DYSF: variants seen among roughly 807,000 people sequenced by gnomAD.
DYSF encodes dystrophy-associated fer-1-like 1.
Under a neutral mutation model 274.9 loss-of-function variants are expected in DYSF, and 212 were observed. That is an observed-to-expected ratio of 0.77 (90% CI 0.69 to 0.86). The LOEUF (loss-of-function observed/expected upper bound fraction) is 0.86, where lower values mean the gene tolerates loss of function less well. DYSF is among the 40% of genes least tolerant of loss of function. The pLI, the probability that DYSF is intolerant of heterozygous loss-of-function variation, is 0.00. For missense variants in DYSF, 2,666 were observed against 2,783.2 expected, an observed-to-expected ratio of 0.96 and a Z score of 0.95; for synonymous variants, 1,091 against 1,078.7, an observed-to-expected ratio of 1.01 and a Z score of -0.22.
rs1278005040 is a variant in DYSF, at chr2:71,656,298, C to T, written c.4755+8C>T. 4 of 1,613,616 alleles carry T rather than the reference C, an allele frequency of 2.5e-6. No homozygotes were observed. The African/African-American group carries it at 4.0e-5, about 16-fold the overall frequency. On this transcript the variant is annotated splice_region_variant and intron_variant, in intron 43 of 55. Transcript: ENST00000410020. ...GTGATTGGTGAATTTAAGGTAAATC[C>T]TCGAAGACGTCCCTAACCCAGGTGG...
chr2:71,639,792 G>T (rs191831365), intron 41 of DYSF, among the ~76,000 whole-genome samples: 3 of 152,180 alleles, frequency 2.0e-5, no homozygotes, highest in African/African-American at 7.2e-5. Flanking sequence ...CTATGGAAAC[G>T]TGCAGCCAGT....
rs371134255 is a variant in DYSF, at chr2:71,621,736, T to C, written c.4527+1127T>C. On this transcript the variant is annotated intron_variant, in intron 41 of 55. Coordinates refer to ENST00000410020, the MANE Select transcript of DYSF (RefSeq NM_001130987.2). ...GTGCAGTGGCATGATCTTGGCTCAC[T>C]GCAACCTCCATCTGCTGGGCTCAAG... Among the ~76,000 whole-genome samples the C allele has an allele frequency of 6.1e-4, 93 of 152,236 alleles. 1 individual carries two copies. In the East Asian group the frequency reaches 0.016, roughly 26 times the overall value.
At chr2:71,508,948 G>A (rs539541518) in intron 4 of DYSF, among the ~76,000 whole-genome samples, 2 of 152,282 alleles carry the variant, frequency 1.3e-5, no homozygotes, top group South Asian at 4.1e-4. Flanking sequence ...CGCCTCCCGG[G>A]TTCAACCAAT....
At chr2:71,667,614 A>T in intron 48 of DYSF, 99 bp downstream of exon 48, 3 of 1,540,968 alleles carry the variant, frequency 1.9e-6, no homozygotes, top group Non-Finnish European at 2.7e-6. Context: ...GGGTCCCTTG[A>T]GATTTGGTCA....
At position 71,611,358 on chromosome 2, in the gene DYSF, G is replaced by A. The variant is rs765392394; in HGVS notation, c.4059+12G>A. On this transcript the variant is annotated intron_variant, in intron 37 of 55. Transcript: ENST00000410020. ...GTACCGCCATCGAGGTGAGCCGTCC[G>A]GGCCTGGGCGTGGGGGCTGGGAGCA... is the stretch of plus-strand genomic sequence containing the variant. The A allele has an allele frequency of 9.3e-6, 15 of 1,612,628 alleles. No individual in the cohort carries two copies. Among genetic ancestry groups the A allele is most frequent in the Admixed American group, 5.0e-5 (3 of 59,960 alleles).
intron 42 of DYSF, among the ~76,000 whole-genome samples, chr2:71,647,026 G>A (rs993257353): frequency 3.3e-5 from 5 of 152,216 alleles, no homozygotes; most frequent in Middle Eastern, 6.8e-3. Flanking sequence ...TTTATGCATA[G>A]AATAGTAAAG....
At position 71,574,321 on chromosome 2, in the gene DYSF, C is replaced by T; in HGVS notation, c.3352C>T (p.Pro1118Ser). ...RRRRWRRRME[P>S]LEKTGPAAVF... The stretch of plus-strand genomic sequence containing the variant: ...CCGCCGCTGGCGCCGTCGCATGGAG[C>T]CACTGGAGAAGACGGGGCCTGCAGC... Residue 1118 changes from proline to serine, a missense_variant, in exon 30 of 56, where the codon CCA becomes TCA. Physicochemically the swap from Pro to Ser is moderately conservative, Grantham distance 74. Coordinates refer to ENST00000410020, the MANE Select transcript of DYSF (RefSeq NM_001130987.2). The T allele has an allele frequency of 6.2e-7, 1 of 1,614,148 alleles. No individual in the cohort carries two copies. Among genetic ancestry groups the T allele is most frequent in the South Asian group, 1.1e-5 (1 of 91,080 alleles).
At chr2:71,654,998 G>C (rs1353265613) in intron 42 of DYSF, among the ~76,000 whole-genome samples, 2 of 152,102 alleles carry the variant, frequency 1.3e-5, no homozygotes, top group Non-Finnish European at 2.9e-5. Flanking sequence ...GGCTAAGGTG[G>C]GGGGATCATT....
In DYSF at chr2:71,553,803, C is replaced by G. The variant is rs374489513; in HGVS notation, c.1985-4C>G. On this transcript the variant is annotated splice_polypyrimidine_tract_variant and splice_region_variant and intron_variant, in intron 20 of 55. Coordinates refer to ENST00000410020, the MANE Select transcript of DYSF (RefSeq NM_001130987.2). ...CAGCGCTCAGGCCCGTCTCTCCATT[C>G]CAGGGTGCCACTACTACTACCTACC... The G allele has an allele frequency of 7.0e-5, 95 of 1,351,148 alleles. No homozygotes were observed. Among genetic ancestry groups the G allele is most frequent in the Non-Finnish European group, 9.8e-6 (10 of 1,015,276 alleles). The allele number at this position is 1,351,148 out of a possible 1,614,324, so 83.7% of individuals were successfully genotyped here. A position where few individuals can be genotyped will look rare whatever the true frequency, so the allele number is the denominator to read the frequency against.
chr2:71,589,361 G>A (rs1344978087), intron 30 of DYSF, among the ~76,000 whole-genome samples: 2 of 152,182 alleles, frequency 1.3e-5, no homozygotes, highest in African/African-American at 4.8e-5. Flanking sequence ...GACTCATCTG[G>A]TCTTCACTAG....
chr2:71,600,793 A>G lies in DYSF; in HGVS notation c.3848A>G (p.Gln1283Arg). Residue 1283 changes from glutamine to arginine, a missense_variant, in exon 34 of 56, where the codon CAG becomes CGG. This residue lies in a region of DYSF where 1,460 missense variants were observed against 1,502.1 expected (regional missense o/e 0.97). Transcript: ENST00000410020. ...LAWFPLTRGS[Q>R]PSGELLASFE... ...TGGTTCCCACTGACGAGGGGCAGCC[A>G]GCCGTCGGGGGAGCTGCTGGCCTCT... The G allele has an allele frequency of 6.2e-7, 1 of 1,613,606 alleles. No individual in the cohort carries two copies. The highest frequency in any genetic ancestry group is 1.1e-5 in the South Asian group (1 of 91,080).
In DYSF at chr2:71,574,385, C is replaced by T. The variant is rs1441921000; in HGVS notation, c.3402+14C>T. 1.2e-6 allele frequency: 2 copies of T among 1,612,404 alleles called. No homozygotes were observed. The highest frequency in any genetic ancestry group is 2.7e-5 in the African/African-American group (2 of 74,846). ...GAGGGGGCCCTGGTATGTGGGGCTG[C>T]ACTTGTCCTGGCTTGGGTAGGGTAT... On this transcript the variant is annotated intron_variant, in intron 30 of 55. Coordinates refer to ENST00000410020, the MANE Select transcript of DYSF (RefSeq NM_001130987.2).
At chr2:71,509,880 A>G (rs572935630) in intron 4 of DYSF, among the ~76,000 whole-genome samples, 1 of 152,228 alleles carries the variant, frequency 6.6e-6, no homozygotes, top group East Asian at 1.9e-4. Context: ...GGTTCAAGCG[A>G]TTCTCCTGCC....
intron 42 of DYSF, among the ~76,000 whole-genome samples, chr2:71,649,928 C>T (rs2094627062): frequency 6.6e-6 from 1 of 152,090 alleles, no homozygotes; most frequent in South Asian, 2.1e-4. Flanking sequence ...TAAATGACAG[C>T]AGAAGTCATC....
intron 17 of DYSF, chr2:71,549,496 G>A (rs1270302655): frequency 9.9e-6 from 11 of 1,107,338 alleles, no homozygotes; most frequent in Non-Finnish European, 1.5e-5. Flanking sequence ...GCCTGAGGTG[G>A]GATTGAGATT....
intron 1 of DYSF, among the ~76,000 whole-genome samples, chr2:71,459,268 G>A (rs935459421): frequency 6.6e-6 from 1 of 152,162 alleles, no homozygotes; most frequent in African/African-American, 2.4e-5. Context: ...TTAAGTCTTG[G>A]GAAACACAAA....
chr2:71,648,237 G>A (rs1032199962), intron 42 of DYSF, among the ~76,000 whole-genome samples: 1 of 152,180 alleles, frequency 6.6e-6, no homozygotes, highest in African/African-American at 2.4e-5. Flanking sequence ...AAATGGGGCA[G>A]TCAGAATGCA....
At position 71,612,774 on chromosome 2, in the gene DYSF, C is replaced by T. The variant is rs139411595; in HGVS notation, c.4355C>T (p.Ser1452Leu). The T allele has an allele frequency of 8.7e-5, 141 of 1,613,842 alleles. No individual in the cohort carries two copies. In the African/African-American group the frequency reaches 1.6e-3, roughly 18 times the overall value. The part of the protein sequence containing the change: ...SLESFLCDPY[S>L]AESPSPQGGP... ...GAGAGCTTCCTGTGTGACCCCTACT[C>T]GGCGGAGAGTCCATCCCCACAGGGT... The change falls in exon 39 of 56, where the codon TCG (serine) becomes TTG (leucine). Residue 1452 changes from serine (S) to leucine (L), a missense_variant. By Grantham distance (145) the Ser-to-Leu change is moderately radical. Transcript: ENST00000410020.
In DYSF at chr2:71,611,233, T is replaced by A; in HGVS notation, c.3958-12T>A. 6.3e-7 allele frequency: 1 copy of A among 1,594,410 alleles called. No individual in the cohort carries two copies. Among genetic ancestry groups the A allele is most frequent in the Non-Finnish European group, 8.6e-7 (1 of 1,162,050 alleles). ...CCACCTTTGTCTCCATTCTACCTGC[T>A]GTCCACTGCAGTCTGAGGACACAGA... On this transcript the variant is annotated splice_polypyrimidine_tract_variant and intron_variant, in intron 36 of 55. Coordinates refer to ENST00000410020, the MANE Select transcript of DYSF (RefSeq NM_001130987.2).
Sources: allele counts gnomAD v4.1 joint callset (sites outside exome capture counted in the v4.1 genomes callset), GRCh38; gene constraint gnomAD v4.1.1; regional missense constraint gnomAD v4.1.1; transcripts MANE v1.5; gene names NCBI Gene and HGNC (gene_info 2026-07-23, HGNC 2026-07-21).